The following CCDC60 variants were observed in gnomAD, a reference collection of about 807,000 sequenced individuals.
CCDC60 encodes the protein coiled-coil domain-containing protein 60.
A neutral mutation model predicts 63.5 loss-of-function variants in CCDC60; 54 were observed. The observed-to-expected ratio is 0.85, with a 90% confidence interval of 0.68 to 1.07. The LOEUF (loss-of-function observed/expected upper bound fraction) is 1.07, where lower values mean the gene tolerates loss of function less well. CCDC60 is among the 50% of genes least tolerant of loss of function. The pLI is 0.00. For missense variants in CCDC60, 651 were observed against 684.3 expected, an observed-to-expected ratio of 0.95 and a Z score of 0.54; for synonymous variants, 206 against 238.8, an observed-to-expected ratio of 0.86 and a Z score of 1.27.
At chr12:119,344,436 A>G (rs1323541835) in intron 1 of CCDC60, among the ~76,000 whole-genome samples, 1 of 151,966 alleles carries the variant, frequency 6.6e-6, no homozygotes, top group Non-Finnish European at 1.5e-5. Context: ...CCTCTTCATC[A>G]CCCCGTATGT....
intron 2 of CCDC60, chr12:119,433,600 T>C (rs1186302249): frequency 2.8e-6 from 2 of 702,188 alleles, no homozygotes; most frequent in African/African-American, 3.5e-5. Flanking sequence ...CCTGACCCCA[T>C]ATCCCAGTAT....
At chr12:119,374,294 C>T (rs565988964) in intron 1 of CCDC60, among the ~76,000 whole-genome samples, 25 of 152,248 alleles carry the variant, frequency 1.6e-4, no homozygotes, top group Middle Eastern at 3.4e-3. Flanking sequence ...TAATGTATTA[C>T]ACCACTCATC....
chr12:119,409,764 A>G (rs1459298404), intron 1 of CCDC60, among the ~76,000 whole-genome samples: 4 of 151,206 alleles, frequency 2.6e-5, no homozygotes, highest in Non-Finnish European at 2.9e-5. Flanking sequence ...TTGGCCTTCT[A>G]ATCTTCATAA....
intron 2 of CCDC60, among the ~76,000 whole-genome samples, chr12:119,430,101 G>A (rs978535382): frequency 4.6e-5 from 7 of 151,788 alleles, no homozygotes; most frequent in South Asian, 2.1e-4. Context: ...CTTAGAACAC[G>A]TGTCAATTTG....
At chr12:119,348,847 T>C (rs1955624793) in intron 1 of CCDC60, among the ~76,000 whole-genome samples, 1 of 152,222 alleles carries the variant, frequency 6.6e-6, no homozygotes, top group East Asian at 1.9e-4. Context: ...TATATTTTTG[T>C]ATTCTCCATG....
Position 119,488,756 on chromosome 12 carries a change from C to A in CCDC60, c.450-3C>A. On this transcript the variant is annotated splice_polypyrimidine_tract_variant and splice_region_variant and intron_variant, in intron 4 of 13. Coordinates refer to ENST00000327554, the MANE Select transcript of CCDC60 (RefSeq NM_178499.5). The stretch of plus-strand genomic sequence containing the variant: ...ACTGTGTTCCCTCTCTCTGTCTTTG[C>A]AGCGAGCCCCTCTTCCGCCAGCTCT... 1 of 1,613,430 alleles carries A rather than the reference C, an allele frequency of 6.2e-7. No individual in the cohort carries two copies. Among genetic ancestry groups the A allele is most frequent in the Non-Finnish European group, 8.5e-7 (1 of 1,179,336 alleles).
intron 13 of CCDC60, among the ~76,000 whole-genome samples, chr12:119,532,875 CAT>C (rs1376406272): frequency 5.3e-5 from 8 of 152,166 alleles, no homozygotes; most frequent in African/African-American, 1.9e-4. Context: ...CTGCAGTAAA[CAT>C]ATGTGTACAT....
In CCDC60 at chr12:119,511,184, G is replaced by T. The variant is rs1221196874; in HGVS notation, c.884-5439G>T. Among the ~76,000 whole-genome samples, 3 of 152,116 alleles carry T rather than the reference G, an allele frequency of 2.0e-5. No homozygotes were observed. The South Asian group carries it at 6.2e-4, about 32-fold the overall frequency. ...TTATACCTTAACCTCCATCCAATTTGTCACAGCCTTGACAAAAGTAGATTA... is the reference window on the plus strand; with the variant it reads ...TTATACCTTAACCTCCATCCAATTTTTCACAGCCTTGACAAAAGTAGATTA... On this transcript the variant is annotated intron_variant, in intron 7 of 13. Transcript: ENST00000327554.
chr12:119,438,483 T>G (rs1268801945), intron 2 of CCDC60, among the ~76,000 whole-genome samples: 1 of 152,194 alleles, frequency 6.6e-6, no homozygotes, highest in Non-Finnish European at 1.5e-5. Flanking sequence ...TGGAGTCAGC[T>G]GTGGGTTCAA....
intron 5 of CCDC60, among the ~76,000 whole-genome samples, chr12:119,498,941 A>T (rs970825114): frequency 1.3e-5 from 2 of 152,194 alleles, no homozygotes; most frequent in Middle Eastern, 3.2e-3. Context: ...TTCATAACTC[A>T]TTTGGCAGCA....
chr12:119,362,613 T>C (rs1318794424), intron 1 of CCDC60, among the ~76,000 whole-genome samples: 1 of 152,250 alleles, frequency 6.6e-6, no homozygotes, highest in Non-Finnish European at 1.5e-5. Flanking sequence ...TTATTTTTCA[T>C]TGGTAAATAG....
intron 1 of CCDC60, among the ~76,000 whole-genome samples, chr12:119,400,113 G>A (rs1045486498): frequency 2.0e-5 from 3 of 149,418 alleles, no homozygotes; most frequent in Non-Finnish European, 1.5e-5. Flanking sequence ...GCAGTGGCGC[G>A]ATCTCAGCTC....
intron 1 of CCDC60, among the ~76,000 whole-genome samples, chr12:119,356,039 CATA>C (rs1351479306): frequency 6.6e-6 from 1 of 152,200 alleles, no homozygotes; most frequent in East Asian, 1.9e-4. Flanking sequence ...TGGAAAAAAA[CATA>C]ATAAATATTT....
At chr12:119,359,218 T>A (rs906355990) in intron 1 of CCDC60, among the ~76,000 whole-genome samples, 6 of 152,232 alleles carry the variant, frequency 3.9e-5, no homozygotes, top group African/African-American at 1.4e-4. Context: ...CATGTTTTTT[T>A]AGGTTTATTG....
chr12:119,381,520 C>T (rs142974519), intron 1 of CCDC60, among the ~76,000 whole-genome samples: 1 of 152,278 alleles, frequency 6.6e-6, no homozygotes, highest in Non-Finnish European at 1.5e-5. Flanking sequence ...CTATCTTTGT[C>T]CTTTGGAAAA....
At chr12:119,491,206 A>G (rs751836509) in intron 5 of CCDC60, among the ~76,000 whole-genome samples, 2 of 152,230 alleles carry the variant, frequency 1.3e-5, no homozygotes, top group Admixed American at 6.5e-5. Context: ...AGAATATTCT[A>G]TCATATGGAT....
At chr12:119,535,676 A>G (rs1350321633) in intron 13 of CCDC60, among the ~76,000 whole-genome samples, 1 of 152,200 alleles carries the variant, frequency 6.6e-6, no homozygotes, top group East Asian at 1.9e-4. Context: ...TTATGTACCC[A>G]GTAGTCATTC....
At chr12:119,439,135 C>T (rs1280385864) in intron 2 of CCDC60, among the ~76,000 whole-genome samples, 2 of 107,128 alleles carry the variant, frequency 1.9e-5, no homozygotes, top group South Asian at 3.7e-4. Flanking sequence ...ACAGTATATA[C>T]ATCCCTTTTC....
At chr12:119,338,450 C>T (rs1199120772) in intron 1 of CCDC60, among the ~76,000 whole-genome samples, 2 of 152,152 alleles carry the variant, frequency 1.3e-5, no homozygotes, top group East Asian at 1.9e-4. Context: ...ACTGTTACCT[C>T]TTCATGAGAT....
Sources: allele counts gnomAD v4.1 joint callset (sites outside exome capture counted in the v4.1 genomes callset), GRCh38; gene constraint gnomAD v4.1.1; transcripts MANE v1.5; gene names NCBI Gene and HGNC (gene_info 2026-07-23, HGNC 2026-07-21).